Variants in DDHD1 observed in about 807,000 individuals in gnomAD.
DDHD1 encodes DDHD domain containing 1.
A neutral mutation model predicts 96.4 loss-of-function variants in DDHD1; 49 were observed. The ratio of observed to expected loss-of-function variants is 0.51; its 90% CI spans 0.40 to 0.64. DDHD1 has a LOEUF of 0.64. DDHD1 is among the 30% of genes least tolerant of loss of function. DDHD1 has a pLI of 0.00. For synonymous variants in DDHD1, 442 were observed against 446.5 expected (o/e 0.99, Z 0.13); for missense variants, 1,106 against 1,161.2 (o/e 0.95, Z 0.69).
chr14:53,085,487 G>A (rs1280760197), intron 4 of DDHD1, among the ~76,000 whole-genome samples: 1 of 152,142 alleles, frequency 6.6e-6, no homozygotes, highest in Non-Finnish European at 1.5e-5. Flanking sequence ...AGACTCCGCT[G>A]GTAATACCCA....
chr14:53,058,599 G>T lies in DDHD1; in HGVS notation c.1870C>A (p.Pro624Thr). 1 of 1,612,756 alleles carries T rather than the reference G, an allele frequency of 6.2e-7. No homozygotes were observed. The highest frequency in any genetic ancestry group is 8.5e-7 in the Non-Finnish European group (1 of 1,179,584). ...KVENFFCMGS[P>T]LAVFLALRGI... ...CGCAACGCCAAGAAAACTGCTAATG[G>T]GGATCCCATACAGAAGAAATTCTCA... The change falls in exon 9 of 13, where the codon CCA (proline) becomes ACA (threonine). Residue 624 changes from proline (P) to threonine (T), a missense_variant. Coordinates refer to ENST00000673822, the MANE Select transcript of DDHD1 (RefSeq NM_001160148.2).
chr14:53,103,012 C>T, intron 2 of DDHD1: 1 of 1,560,358 alleles, frequency 6.4e-7, no homozygotes, highest in Non-Finnish European at 8.7e-7. Flanking sequence ...TTCTAATCTA[C>T]CTGTACAGTT....
chr14:53,073,766 C>T lies in DDHD1; in HGVS notation c.1371G>A (p.Trp457Ter). The T allele has an allele frequency of 1.9e-6, 3 of 1,607,814 alleles. No homozygotes were observed. The highest frequency in any genetic ancestry group is 2.2e-5 in the East Asian group (1 of 44,510). Residue 457 changes from tryptophan to a stop codon, truncating the protein, a stop_gained, in exon 5 of 13, where the codon TGG becomes TGA. Coordinates refer to ENST00000673822, the MANE Select transcript of DDHD1 (RefSeq NM_001160148.2). LOFTEE classifies it high-confidence loss of function. Reference sequence around the variant, plus strand: ...CTCCATCAAGAGTAAGTTTTGACCGCCACTCAACAGGCAGAAATTCAACAT... The same window carrying T: ...CTCCATCAAGAGTAAGTTTTGACCGTCACTCAACAGGCAGAAATTCAACAT... ...ATHVEFLPVE[W>*]RSKLTLDGDT... is the part of the protein sequence containing the mutation.
chr14:53,090,746 T>G (rs148233999), intron 4 of DDHD1, among the ~76,000 whole-genome samples: 1,543 of 152,084 alleles, frequency 0.01, 33 homozygotes, highest in African/African-American at 0.035. Flanking sequence ...GGAGGAGGCA[T>G]AGCATTAGGA....
intron 4 of DDHD1, among the ~76,000 whole-genome samples, chr14:53,086,571 G>T (rs892717658): frequency 1.8e-3 from 2 of 1,136 alleles, no homozygotes; most frequent in Non-Finnish European, 0.012. Flanking sequence ...AAGTGAAGGA[G>T]AAAAAAATCT....
chr14:53,052,452 G>A (rs1882678886), intron 11 of DDHD1: 1 of 152,174 alleles, frequency 6.6e-6, no homozygotes, highest in Admixed American at 6.5e-5. Flanking sequence ...GGCAATTAAT[G>A]TAAGTAGAAG....
chr14:53,106,019 A>G (rs1377014388), intron 1 of DDHD1, among the ~76,000 whole-genome samples: 1 of 151,448 alleles, frequency 6.6e-6, no homozygotes, highest in East Asian at 1.9e-4. Flanking sequence ...ACCCAAATCG[A>G]CTTTTTGCCT....
chr14:53,086,972 C>CAAAAAAAAAAAAAAAA (rs60569444), intron 4 of DDHD1, among the ~76,000 whole-genome samples: 7 of 52,220 alleles, frequency 1.3e-4, no homozygotes, highest in African/African-American at 2.1e-4. Context: ...AAATGAAAAG[C>CAAAAAAAAAAAAAAAA]AAAAAAAAAA....
rs1952959 is a variant in DDHD1, at chr14:53,038,565, T to C, written c.*8203A>G. On this transcript the variant is annotated 3_prime_UTR_variant, in exon 13 of 13. Coordinates refer to ENST00000673822, the MANE Select transcript of DDHD1 (RefSeq NM_001160148.2). The stretch of plus-strand genomic sequence containing the variant: ...ATTCCATGTTCATGGATTGGAAGAA[T>C]CAATATAGTTTAAAAATGGCCATAC... 88,140 of 152,024 alleles carry C rather than the reference T, an allele frequency of 0.58. 26,667 individuals are homozygous for C. Among genetic ancestry groups the C allele is most frequent in the South Asian group, 0.69 (3,353 of 4,828 alleles). 9.4% of individuals were successfully genotyped at this position (152,024 alleles called of 1,614,324 possible).
intron 2 of DDHD1, among the ~76,000 whole-genome samples, chr14:53,098,580 G>C (rs560780773): frequency 1.1e-4 from 17 of 152,158 alleles, no homozygotes; most frequent in Admixed American, 4.6e-4. Context: ...AATAAAGTTA[G>C]ATAAATTTAT....
At chr14:53,082,757 T>C (rs1157437896) in intron 4 of DDHD1, among the ~76,000 whole-genome samples, 1 of 121,136 alleles carries the variant, frequency 8.3e-6, no homozygotes, top group African/African-American at 4.2e-5. Flanking sequence ...AGACTCTATC[T>C]CAAAAAAAAA....
chr14:53,057,452 C>T (rs1303309096), intron 9 of DDHD1, among the ~76,000 whole-genome samples: 1 of 151,782 alleles, frequency 6.6e-6, no homozygotes, highest in Non-Finnish European at 1.5e-5. Flanking sequence ...TAGAAAAATC[C>T]AACATCTTAC....
At chr14:53,059,390 G>A (rs1401794448) in intron 8 of DDHD1, among the ~76,000 whole-genome samples, 3 of 151,732 alleles carry the variant, frequency 2.0e-5, no homozygotes, top group Admixed American at 1.3e-4. Flanking sequence ...AACTACAGGC[G>A]CCCGCCACCA....
At chr14:53,121,945 A>G (rs1889027727) in intron 1 of DDHD1, among the ~76,000 whole-genome samples, 1 of 151,176 alleles carries the variant, frequency 6.6e-6, no homozygotes, top group Non-Finnish European at 1.5e-5. Context: ...AGGGCAAATG[A>G]TACTGTGTAA....
At chr14:53,066,377 C>G (rs1194278226) in intron 6 of DDHD1, among the ~76,000 whole-genome samples, 1 of 151,996 alleles carries the variant, frequency 6.6e-6, no homozygotes, top group East Asian at 1.9e-4. Flanking sequence ...GTCTCGAATT[C>G]CTGACCTCAA....
intron 1 of DDHD1, among the ~76,000 whole-genome samples, chr14:53,144,866 G>C (rs1890869323): frequency 1.3e-5 from 2 of 152,212 alleles, no homozygotes; most frequent in South Asian, 4.1e-4. Flanking sequence ...TTACTGAGCA[G>C]AGGCTGGGAG....
chr14:53,082,386 G>GA (rs918787069), intron 4 of DDHD1, among the ~76,000 whole-genome samples: 5 of 139,282 alleles, frequency 3.6e-5, no homozygotes, highest in Non-Finnish European at 7.8e-5. Context: ...CATAAATATA[G>GA]AAAAAAATAG....
intron 4 of DDHD1, among the ~76,000 whole-genome samples, chr14:53,076,909 T>G (rs1252619593): frequency 2.0e-5 from 3 of 152,242 alleles, no homozygotes; most frequent in Non-Finnish European, 4.4e-5. Context: ...ATCACATACT[T>G]GTTTACAGTG....
At position 53,045,749 on chromosome 14, in the gene DDHD1, G is replaced by C. The variant is rs1274585127; in HGVS notation, c.*1019C>G. On this transcript the variant is annotated 3_prime_UTR_variant, in exon 13 of 13. Coordinates refer to ENST00000673822, the MANE Select transcript of DDHD1 (RefSeq NM_001160148.2). ...AACCCTTCCAATGCCTCAGAATCCT[G>C]ACTTACTGTGCCTTGTGTCTCAATG... The C allele has an allele frequency of 6.6e-6, 1 of 152,122 alleles. No individual in the cohort carries two copies. Among genetic ancestry groups the C allele is most frequent in the Non-Finnish European group, 1.5e-5 (1 of 68,030 alleles). The allele number at this position is 152,122 out of a possible 1,614,324, so 9.4% of individuals were successfully genotyped here. A position where few individuals can be genotyped will look rare whatever the true frequency, so the allele number is the denominator to read the frequency against.
Sources: allele counts gnomAD v4.1 joint callset (sites outside exome capture counted in the v4.1 genomes callset), GRCh38; gene constraint gnomAD v4.1.1; transcripts MANE v1.5; gene names NCBI Gene and HGNC (gene_info 2026-07-23, HGNC 2026-07-21).